KCTD8: variants seen among roughly 807,000 people sequenced by gnomAD.
KCTD8 encodes BTB/POZ domain-containing protein KCTD8.
In KCTD8, 27 loss-of-function variants were observed where a neutral mutation model predicts 31.5. That is an observed-to-expected ratio of 0.86 (90% confidence interval 0.63 to 1.18). The LOEUF is 1.18. KCTD8 is among the 50% of genes most tolerant of loss of function. The pLI, the probability that KCTD8 is intolerant of heterozygous loss-of-function variation, is 0.00. For missense variants in KCTD8, 658 were observed against 647.7 expected (o/e 1.02, Z -0.17); for synonymous variants, 290 against 280.0 (o/e 1.04, Z -0.36).
At chr4:44,373,390 T>A (rs1719840655) in intron 1 of KCTD8, among the ~76,000 whole-genome samples, 1 of 151,070 alleles carries the variant, frequency 6.6e-6, no homozygotes, top group South Asian at 2.1e-4. Flanking sequence ...AGTACTGTGA[T>A]GACTAAGGGC....
At chr4:44,343,994 G>A (rs559447393) in intron 1 of KCTD8, among the ~76,000 whole-genome samples, 3 of 151,444 alleles carry the variant, frequency 2.0e-5, no homozygotes, top group African/African-American at 7.3e-5. Context: ...AGGTAGCGGG[G>A]ACTACAGGCA....
At chr4:44,290,825 AG>A (rs1717251614) in intron 1 of KCTD8, among the ~76,000 whole-genome samples, 1 of 152,268 alleles carries the variant, frequency 6.6e-6, no homozygotes, top group African/African-American at 2.4e-5. Context: ...TTAAGGGGAA[AG>A]TTTATAGAAA....
At chr4:44,270,975 GT>G (rs1318486711) in intron 1 of KCTD8, among the ~76,000 whole-genome samples, 1 of 151,912 alleles carries the variant, frequency 6.6e-6, no homozygotes, top group Non-Finnish European at 1.5e-5. Context: ...ATGAAAAGAG[GT>G]ATCCTACAAG....
intron 1 of KCTD8, among the ~76,000 whole-genome samples, chr4:44,241,881 T>C (rs1715465487): frequency 6.6e-6 from 1 of 152,252 alleles, no homozygotes; most frequent in Non-Finnish European, 1.5e-5. Flanking sequence ...ACAAAATACC[T>C]GCCTGCTCTT....
chr4:44,416,392 A>T (rs978984647), intron 1 of KCTD8, among the ~76,000 whole-genome samples: 1 of 152,136 alleles, frequency 6.6e-6, no homozygotes, highest in Non-Finnish European at 1.5e-5. Flanking sequence ...GGATTATTGT[A>T]TTTTGTGATG....
chr4:44,238,982 T>C (rs1703686277), intron 1 of KCTD8, among the ~76,000 whole-genome samples: 1 of 152,054 alleles, frequency 6.6e-6, no homozygotes, highest in South Asian at 2.1e-4. Flanking sequence ...TAGAAGTTGG[T>C]TTCTCTAAGG....
chr4:44,186,142 G>C (rs1041892123), intron 1 of KCTD8, among the ~76,000 whole-genome samples: 3 of 152,168 alleles, frequency 2.0e-5, no homozygotes, highest in African/African-American at 7.2e-5. Context: ...GCTGGACATC[G>C]AGAAGAACAC....
rs558324411 is a variant in KCTD8, at chr4:44,409,113, C to T, written c.961+38450G>A. Among the ~76,000 whole-genome samples, 616 of 151,444 alleles carry T rather than the reference C, an allele frequency of 4.1e-3. 5 individuals are homozygous for T. Among genetic ancestry groups the T allele is most frequent in the African/African-American group, 0.014 (586 of 41,304 alleles). ...CCAAAATTAGCAGGGAGTGGTAGGGCGTGCCTGTAATCCCAACTGTTCAGG... is the reference window on the plus strand; with the variant it reads ...CCAAAATTAGCAGGGAGTGGTAGGGTGTGCCTGTAATCCCAACTGTTCAGG... On this transcript the variant is annotated intron_variant, in intron 1 of 1. Transcript: ENST00000360029.
At chr4:44,219,370 C>T (rs1030585094) in intron 1 of KCTD8, among the ~76,000 whole-genome samples, 2 of 152,278 alleles carry the variant, frequency 1.3e-5, no homozygotes, top group African/African-American at 4.8e-5. Context: ...TTTGAAAATC[C>T]GGCCTTTGCC....
intron 1 of KCTD8, among the ~76,000 whole-genome samples, chr4:44,371,312 T>C (rs944982744): frequency 4.6e-5 from 7 of 152,194 alleles, no homozygotes; most frequent in African/African-American, 1.7e-4. Context: ...AGAAATACTG[T>C]TTTATCAACT....
chr4:44,199,213 A>C (rs534004430), intron 1 of KCTD8, among the ~76,000 whole-genome samples: 1 of 152,126 alleles, frequency 6.6e-6, no homozygotes, highest in Admixed American at 6.5e-5. Flanking sequence ...GTACTGTAAC[A>C]CCCCACTGAT....
rs770971088 is a variant in KCTD8 at position 44,448,624 on chromosome 4, C to G, written c.-101G>C. 82 of 1,221,774 alleles carry G rather than the reference C, an allele frequency of 6.7e-5. No homozygotes were observed. The Middle Eastern group carries it at 9.2e-4, about 14-fold the overall frequency. The allele number at this position is 1,221,774 out of a possible 1,614,324, so 75.7% of individuals were successfully genotyped here. On this transcript the variant is annotated 5_prime_UTR_variant, in exon 1 of 2. Coordinates refer to ENST00000360029, the MANE Select transcript of KCTD8 (RefSeq NM_198353.3). This position sits in a 1 kb window ranked among gnomAD's most constrained non-coding sequence, Gnocchi z 4.1. ...GCGTGCTCCTGGCGCTCTGCGCCCT[C>G]GGACTGGGCGGCGCGTTCCTCCGAC...
At chr4:44,324,414 A>G (rs1194130378) in intron 1 of KCTD8, among the ~76,000 whole-genome samples, 1 of 152,026 alleles carries the variant, frequency 6.6e-6, no homozygotes, top group Non-Finnish European at 1.5e-5. Context: ...AGTCTTAACA[A>G]TTGCAGAAGC....
At chr4:44,414,430 G>C (rs572979501) in intron 1 of KCTD8, among the ~76,000 whole-genome samples, 2 of 152,216 alleles carry the variant, frequency 1.3e-5, no homozygotes, top group East Asian at 3.9e-4. Context: ...ATGCAAAATA[G>C]GGAGGAAGTG....
chr4:44,230,984 C>G (rs532429292), intron 1 of KCTD8, among the ~76,000 whole-genome samples: 2 of 152,088 alleles, frequency 1.3e-5, no homozygotes, highest in Non-Finnish European at 2.9e-5. Flanking sequence ...CTGAAAAAAT[C>G]GATTTCGCTG....
Position 44,200,161 on chromosome 4 carries a change from TA to T in KCTD8, c.962-24912del, listed in dbSNP as rs537266889. On this transcript the variant is annotated intron_variant, in intron 1 of 1. Coordinates refer to ENST00000360029, the MANE Select transcript of KCTD8 (RefSeq NM_198353.3). ...CAAGTTCTGAAATTGAATGTTATAA[TA>T]AAAAAAAAAACCTATCAAGAAAAAT... Among the ~76,000 whole-genome samples, 979 of 142,174 alleles carry T rather than the reference TA, an allele frequency of 6.9e-3. 15 individuals are homozygous for T. Among genetic ancestry groups the T allele is most frequent in the Admixed American group, 0.022 (308 of 14,228 alleles). The allele number at this position is 142,174 out of a possible 152,430, so 93.3% of individuals were successfully genotyped here.
At chr4:44,283,945 G>A (rs1450308044) in intron 1 of KCTD8, among the ~76,000 whole-genome samples, 1 of 152,106 alleles carries the variant, frequency 6.6e-6, no homozygotes, top group Admixed American at 6.6e-5. Context: ...TCTTCAAGGA[G>A]AAGTACAGAC....
At chr4:44,378,980 C>T (rs1280662085) in intron 1 of KCTD8, among the ~76,000 whole-genome samples, 1 of 152,014 alleles carries the variant, frequency 6.6e-6, no homozygotes, top group East Asian at 1.9e-4. Flanking sequence ...AGCTCATGAC[C>T]CCATCTTTCA....
intron 1 of KCTD8, among the ~76,000 whole-genome samples, chr4:44,388,651 G>T (rs927013092): frequency 2.6e-5 from 4 of 151,640 alleles, no homozygotes; most frequent in Non-Finnish European, 5.9e-5. Flanking sequence ...GAAGCTAAAT[G>T]ATGAAAACAC....
Sources: gnomAD v4.1 joint callset for allele counts (sites outside exome capture counted in the v4.1 genomes callset) on GRCh38, gnomAD v4.1.1 for gene constraint, Gnocchi (gnomAD v3.1) non-coding constraint, MANE v1.5 for transcripts, NCBI Gene and HGNC (gene_info 2026-07-23, HGNC 2026-07-21) for gene names.